Variants in SV2C observed in about 807,000 individuals in gnomAD.
SV2C encodes the protein solute carrier family 22 member B3.
In SV2C, 49 loss-of-function variants were observed where a neutral mutation model predicts 79.7. The observed-to-expected ratio is 0.61, with a 90% CI of 0.49 to 0.78. SV2C has a LOEUF of 0.78. Ranked by LOEUF, SV2C falls within the 30% of genes least tolerant of loss-of-function variation. The pLI is 0.00. For missense variants in SV2C, 833 were observed against 912.9 expected, an observed-to-expected ratio of 0.91 and a Z score of 1.13; for synonymous variants, 334 against 333.2, an observed-to-expected ratio of 1.00 and a Z score of -0.03.
At chr5:75,917,061 C>T in the SV2C span, among the ~76,000 whole-genome samples, 2,170 of 152,306 alleles carry the variant, frequency 0.014, 49 homozygotes, top group African/African-American at 0.049. Context: ...GTAACACAGC[C>T]TTTATTCACT....
At chr5:76,005,753 A>G in the SV2C span, among the ~76,000 whole-genome samples, 1 of 152,226 alleles carries the variant, frequency 6.6e-6, no homozygotes, top group Non-Finnish European at 1.5e-5. Context: ...GCAAGGATGA[A>G]TGGAATGCAG....
At chr5:75,881,782 C>A in the SV2C span, among the ~76,000 whole-genome samples, 7 of 150,094 alleles carry the variant, frequency 4.7e-5, no homozygotes, top group Non-Finnish European at 8.8e-5. Context: ...AATTGAATAG[C>A]CTTTATTTCC....
In SV2C at chr5:76,285,144, C is replaced by T. The variant is rs752025684; in HGVS notation, c.914-18C>T. ...CTGGGAGGAGCTCTCCCTCACTCTC[C>T]GTGTCCTCCTTTTCCAGGGTGGAGC... On this transcript the variant is annotated intron_variant, in intron 4 of 12. Transcript: ENST00000502798. 5.5e-5 allele frequency: 88 copies of T among 1,613,176 alleles called. No homozygotes were observed. The highest frequency in any genetic ancestry group is 6.5e-5 in the Non-Finnish European group (77 of 1,179,504).
chr5:76,071,075 G>T, the SV2C span, among the ~76,000 whole-genome samples: 1 of 152,150 alleles, frequency 6.6e-6, no homozygotes, highest in African/African-American at 2.4e-5. Context: ...AGAAGGAGGT[G>T]GAAAAAGGGT....
At chr5:76,340,880 G>T (rs926719483) in intron 12 of SV2C, among the ~76,000 whole-genome samples, 3 of 151,062 alleles carry the variant, frequency 2.0e-5, no homozygotes, top group African/African-American at 7.3e-5. Flanking sequence ...AAAGTACTGG[G>T]ATTACAGTCA....
intron 2 of SV2C, among the ~76,000 whole-genome samples, chr5:76,138,143 T>G (rs959651356): frequency 6.6e-6 from 1 of 152,204 alleles, no homozygotes; most frequent in African/African-American, 2.4e-5. Context: ...CAGCTGTTGT[T>G]TCCTTTGTGA....
the SV2C span, among the ~76,000 whole-genome samples, chr5:75,984,641 C>T: frequency 6.6e-6 from 1 of 150,670 alleles, no homozygotes; most frequent in African/African-American, 2.5e-5. Context: ...TGTCATCTGT[C>T]TATCTAGCAT....
chr5:75,936,364 G>A, the SV2C span, among the ~76,000 whole-genome samples: 1 of 152,116 alleles, frequency 6.6e-6, no homozygotes, highest in Non-Finnish European at 1.5e-5. Flanking sequence ...AGGAAATTCT[G>A]GAAAATACTT....
At chr5:75,866,166 C>T in the SV2C span, among the ~76,000 whole-genome samples, 4 of 152,100 alleles carry the variant, frequency 2.6e-5, no homozygotes, top group African/African-American at 7.2e-5. Flanking sequence ...TTTCGTAACA[C>T]GTTTACTTCA....
the SV2C span, among the ~76,000 whole-genome samples, chr5:75,940,902 A>G: frequency 0.016 from 2,411 of 152,290 alleles, 61 homozygotes; most frequent in African/African-American, 0.055. Context: ...TTGCTTCACC[A>G]CTTGCCTAGG....
the SV2C span, among the ~76,000 whole-genome samples, chr5:76,044,484 A>G: frequency 2.6e-5 from 4 of 152,342 alleles, no homozygotes; most frequent in East Asian, 7.7e-4. Flanking sequence ...AGGAATCGCC[A>G]CACTGTCTTC....
intron 4 of SV2C, among the ~76,000 whole-genome samples, chr5:76,243,287 A>G (rs987533004): frequency 2.6e-5 from 4 of 152,190 alleles, no homozygotes; most frequent in African/African-American, 9.7e-5. Context: ...TACAAACCTC[A>G]AGTAAAGGAT....
intron 5 of SV2C, 87 bp downstream of exon 5, chr5:76,285,382 T>C: frequency 6.5e-7 from 1 of 1,543,644 alleles, no homozygotes; most frequent in Non-Finnish European, 8.8e-7. Flanking sequence ...ATTTGCCTAT[T>C]TGAGAGGTAC....
chr5:76,007,691 C>T, the SV2C span, among the ~76,000 whole-genome samples: 1 of 152,126 alleles, frequency 6.6e-6, no homozygotes, highest in South Asian at 2.1e-4. Context: ...GTTGAAGACA[C>T]TCTGAAAGGT....
the SV2C span, among the ~76,000 whole-genome samples, chr5:76,049,999 A>G: frequency 1.3e-5 from 2 of 152,186 alleles, no homozygotes; most frequent in Non-Finnish European, 2.9e-5. Context: ...TAATTGTGTA[A>G]TTTTGAGCAA....
intron 8 of SV2C, among the ~76,000 whole-genome samples, chr5:76,294,039 T>A (rs1290898965): frequency 1.3e-5 from 2 of 152,248 alleles, no homozygotes; most frequent in African/African-American, 4.8e-5. Flanking sequence ...ATCAGAAGAA[T>A]CCCTGGAGGA....
chr5:76,201,198 C>T (rs1014939691), intron 3 of SV2C, among the ~76,000 whole-genome samples: 4 of 152,162 alleles, frequency 2.6e-5, no homozygotes, highest in African/African-American at 7.2e-5. Context: ...CTTTCCTAAA[C>T]GAATCTCACA....
intron 4 of SV2C, among the ~76,000 whole-genome samples, chr5:76,233,652 G>C (rs893980601): frequency 2.0e-5 from 3 of 151,226 alleles, no homozygotes; most frequent in Admixed American, 2.0e-4. Flanking sequence ...AGCATGAAGG[G>C]TTGTTGAATT....
At chr5:76,004,580 T>G in the SV2C span, among the ~76,000 whole-genome samples, 1 of 152,078 alleles carries the variant, frequency 6.6e-6, no homozygotes, top group Non-Finnish European at 1.5e-5. Context: ...GGGCTTGTAC[T>G]AATCAAAAAA....
Sources: gnomAD v4.1 joint callset for allele counts (sites outside exome capture counted in the v4.1 genomes callset) on GRCh38, gnomAD v4.1.1 for gene constraint, MANE v1.5 for transcripts, NCBI Gene and HGNC (gene_info 2026-07-23, HGNC 2026-07-21) for gene names.